The following RER1 variants were observed in gnomAD, a reference collection of about 807,000 sequenced individuals.
The protein encoded by RER1 is protein RER1.
RER1 carries 6 observed loss-of-function variants against 28.3 expected under a neutral mutation model. The ratio of observed to expected loss-of-function variants is 0.21; its 90% confidence interval spans 0.12 to 0.42. RER1 has a LOEUF of 0.42. Ranked by LOEUF, RER1 falls within the 10% of genes least tolerant of loss-of-function variation. The pLI is 1.00. For synonymous variants in RER1, 110 were observed against 95.9 expected (o/e 1.15, Z -0.86); for missense variants, 159 against 252.9 (o/e 0.63, Z 2.52).
Position 2,391,899 on chromosome 1 carries a change from G to A in RER1, c.-67G>A, listed in dbSNP as rs957960586. On this transcript the variant is annotated 5_prime_UTR_variant, in exon 1 of 7. Coordinates refer to ENST00000605895, the MANE Select transcript of RER1 (RefSeq NM_007033.5). Reference sequence around the variant, plus strand: ...CAGCGCCTGCGGCCGCCCGTGCCCCGCCGTCCTCCTTCCCGCGGCCGTGAG... The same window carrying A: ...CAGCGCCTGCGGCCGCCCGTGCCCCACCGTCCTCCTTCCCGCGGCCGTGAG... The A allele has an allele frequency of 2.2e-5, 5 of 224,674 alleles. No homozygotes were observed. The highest frequency in any genetic ancestry group is 1.2e-4 in the Admixed American group (2 of 17,338). 13.9% of individuals were successfully genotyped at this position (224,674 alleles called of 1,614,324 possible).
intron 4 of RER1, 63 bp from the exon 5 acceptor site, chr1:2,400,794 A>G: frequency 7.4e-7 from 1 of 1,344,138 alleles, no homozygotes; most frequent in South Asian, 1.2e-5. Flanking sequence ...CTTGAGGGGA[A>G]AAGGTAGAAC....
intron 4 of RER1, 112 bp downstream of exon 4, chr1:2,399,626 T>C: frequency 1.4e-6 from 1 of 711,962 alleles, no homozygotes; most frequent in Non-Finnish European, 2.5e-6. Flanking sequence ...GGGGTTGAAA[T>C]GTACTTGTAA....
chr1:2,396,560 T>C (rs1570076657), intron 2 of RER1, among the ~76,000 whole-genome samples: 2 of 152,242 alleles, frequency 1.3e-5, no homozygotes, highest in East Asian at 3.8e-4. Context: ...TAAATTAAAA[T>C]AAAAAACCAT....
intron 1 of RER1, 42 bp from the exon 2 acceptor site, chr1:2,395,742 T>G: frequency 7.1e-7 from 1 of 1,412,002 alleles, no homozygotes; most frequent in Non-Finnish European, 1.0e-6. Flanking sequence ...TTCACACCCG[T>G]GAATGCTTTT....
intron 5 of RER1, chr1:2,401,988 A>G (rs1461698807): frequency 2.7e-6 from 4 of 1,475,404 alleles, no homozygotes; most frequent in Non-Finnish European, 3.6e-6. Flanking sequence ...TGTGTCTTTC[A>G]AGGGAGTAAG....
At chr1:2,398,734 CG>C (rs368553844) in intron 3 of RER1, among the ~76,000 whole-genome samples, 17 of 152,216 alleles carry the variant, frequency 1.1e-4, no homozygotes, top group African/African-American at 4.1e-4. Context: ...TGGCTTTTAA[CG>C]GGATATGCTT....
chr1:2,397,772 C>T (rs560596609), intron 3 of RER1, among the ~76,000 whole-genome samples: 8 of 152,254 alleles, frequency 5.3e-5, no homozygotes, highest in East Asian at 1.9e-4. Flanking sequence ...CAGGTGATGT[C>T]GTCTCAGACT....
rs1557904377 is a variant in RER1 at position 2,402,055 on chromosome 1, C to T, written c.366-152C>T. Reference sequence around the variant, plus strand: ...TGTCTGTGAGCTACATGCAAAGGGTCCTGCTGCTGCTGTGCCCAGGGTAGA... The same window carrying T: ...TGTCTGTGAGCTACATGCAAAGGGTTCTGCTGCTGCTGTGCCCAGGGTAGA... On this transcript the variant is annotated intron_variant, in intron 5 of 6. Coordinates refer to ENST00000605895, the MANE Select transcript of RER1 (RefSeq NM_007033.5). 2.5e-6 allele frequency: 4 copies of T among 1,571,232 alleles called. No homozygotes were observed. In the South Asian group the frequency reaches 3.4e-5, roughly 13 times the overall value.
In RER1 at chr1:2,405,114, C is replaced by T. The variant is rs1284842967; in HGVS notation, c.*1990C>T. On this transcript the variant is annotated 3_prime_UTR_variant, in exon 7 of 7. Transcript: ENST00000605895. ...AGGCTGAGATGCAGATTTCTGTTTTCTAAAACTGGAAGCGACCTTGACGTG... is the reference window on the plus strand; with the variant it reads ...AGGCTGAGATGCAGATTTCTGTTTTTTAAAACTGGAAGCGACCTTGACGTG... 1 of 160,540 alleles carries T rather than the reference C, an allele frequency of 6.2e-6. No individual in the cohort carries two copies. Among genetic ancestry groups the T allele is most frequent in the Non-Finnish European group, 1.4e-5 (1 of 72,378 alleles). The allele number at this position is 160,540 out of a possible 1,614,324, so 9.9% of individuals were successfully genotyped here. A position where few individuals can be genotyped will look rare whatever the true frequency, so the allele number is the denominator to read the frequency against.
intron 1 of RER1, 36 bp from the exon 2 acceptor site, chr1:2,395,748 C>G: frequency 6.8e-7 from 1 of 1,473,100 alleles, no homozygotes. Flanking sequence ...CCCGTGAATG[C>G]TTTTTACTGA....
At chr1:2,401,627 C>T (rs1046704639) in intron 5 of RER1, among the ~76,000 whole-genome samples, 1 of 151,866 alleles carries the variant, frequency 6.6e-6, no homozygotes, top group African/African-American at 2.4e-5. Flanking sequence ...ACAGGAGGAA[C>T]CCAAGTCTGT....
At chr1:2,393,632 T>G (rs1642725705) in intron 1 of RER1, among the ~76,000 whole-genome samples, 1 of 152,186 alleles carries the variant, frequency 6.6e-6, no homozygotes, top group South Asian at 2.1e-4. Flanking sequence ...GTTGTCCCAT[T>G]TCACAGACTG....
intron 1 of RER1, chr1:2,395,446 G>A (rs1188535272): frequency 9.0e-6 from 3 of 333,322 alleles, no homozygotes; most frequent in South Asian, 2.8e-5. Context: ...GCAGTGCCAC[G>A]TGCCATGGAC....
Position 2,405,302 on chromosome 1 carries a change from T to G in RER1, c.*2178T>G. Reference sequence around the variant, plus strand: ...GGGGCCGTGGGGCTGCTGTTCTCACTGCACTGGCTGAAGCAACCCGCCAGC... The same window carrying G: ...GGGGCCGTGGGGCTGCTGTTCTCACGGCACTGGCTGAAGCAACCCGCCAGC... On this transcript the variant is annotated 3_prime_UTR_variant, in exon 7 of 7. Coordinates refer to ENST00000605895, the MANE Select transcript of RER1 (RefSeq NM_007033.5). The G allele has an allele frequency of 3.1e-6, 1 of 318,914 alleles. No individual in the cohort carries two copies. Among genetic ancestry groups the G allele is most frequent in the East Asian group, 8.8e-5 (1 of 11,340 alleles). The allele number at this position is 318,914 out of a possible 1,614,324, so 19.8% of individuals were successfully genotyped here. A position where few individuals can be genotyped will look rare whatever the true frequency, so the allele number is the denominator to read the frequency against.
chr1:2,401,016 G>A (rs1372069580), intron 5 of RER1, 81 bp downstream of exon 5: 3 of 1,249,106 alleles, frequency 2.4e-6, no homozygotes, highest in Middle Eastern at 1.9e-4. Context: ...TTTTGTTCAA[G>A]TCACCTGAAA....
In RER1 at chr1:2,395,796, T is replaced by G. The variant is rs541077767; in HGVS notation, c.6T>G (p.Ser2=). The G allele has an allele frequency of 5.6e-6, 9 of 1,613,118 alleles. No individual in the cohort carries two copies. In the South Asian group the frequency reaches 9.9e-5, roughly 18 times the overall value. The change falls in exon 2 of 7, where the codon TCT becomes TCG. Residue 2 remains serine, a synonymous_variant. Coordinates refer to ENST00000605895, the MANE Select transcript of RER1 (RefSeq NM_007033.5). M[S]EGDSVGESVH... ...GTTTTTCTCCCAGTTACAGAATGTC[T>G]GAAGGGGACAGTGTGGGAGAATCCG...
At chr1:2,401,225 CTCCCTTCCTCCCTCCTTCCTCCCTCCT>C (rs1642844246) in intron 5 of RER1, among the ~76,000 whole-genome samples, 4 of 124,180 alleles carry the variant, frequency 3.2e-5, no homozygotes, top group Non-Finnish European at 5.3e-5. Context: ...CTCCCTCCTC[CTCCCTTCCTCCCTCCTTCCTCCCTCCT>C]TCCTCCCTCC....
chr1:2,393,938 C>T (rs1642730880), intron 1 of RER1: 1 of 152,076 alleles, frequency 6.6e-6, no homozygotes. Flanking sequence ...TAGAGAACAC[C>T]CTTTGGCGGG....
chr1:2,395,762 G>T, intron 1 of RER1, 22 bp from the exon 2 acceptor site: 1 of 1,555,216 alleles, frequency 6.4e-7, no homozygotes, highest in Non-Finnish European at 8.9e-7. Flanking sequence ...TTACTGAAAA[G>T]TATTTTGTGT....
Sources: gnomAD v4.1 joint callset for allele counts (sites outside exome capture counted in the v4.1 genomes callset) on GRCh38, gnomAD v4.1.1 for gene constraint, MANE v1.5 for transcripts, NCBI Gene and HGNC (gene_info 2026-07-23, HGNC 2026-07-21) for gene names.